Variants in RGS20 observed in about 807,000 individuals in gnomAD.
RGS20 encodes gz-selective GTPase-activating protein.
RGS20 carries 30 observed loss-of-function variants against 33.6 expected under a neutral mutation model. The observed-to-expected ratio is 0.89, with a 90% CI of 0.67 to 1.21. The LOEUF (loss-of-function observed/expected upper bound fraction) is 1.21, where lower values mean the gene tolerates loss of function less well. Ranked by LOEUF, RGS20 falls within the 50% of genes most tolerant of loss-of-function variation. The pLI, the probability that RGS20 is intolerant of heterozygous loss-of-function variation, is 0.00. For synonymous variants in RGS20, 208 were observed against 197.9 expected (o/e 1.05, Z -0.43); for missense variants, 472 against 502.4 (o/e 0.94, Z 0.58).
intron 1 of RGS20, among the ~76,000 whole-genome samples, chr8:53,853,877 A>G (rs1361750901): frequency 6.6e-6 from 1 of 152,232 alleles, no homozygotes; most frequent in Non-Finnish European, 1.5e-5. Flanking sequence ...GAATATGATC[A>G]CTATGGGGTA....
intron 2 of RGS20, among the ~76,000 whole-genome samples, chr8:53,924,679 G>C (rs540546209): frequency 1.3e-5 from 2 of 152,112 alleles, no homozygotes; most frequent in Admixed American, 1.3e-4. Context: ...TCTTTTTTCT[G>C]TCCTCCTTAG....
chr8:53,950,594 A>G (rs1048024860), intron 4 of RGS20, among the ~76,000 whole-genome samples: 4 of 151,976 alleles, frequency 2.6e-5, no homozygotes, highest in African/African-American at 9.7e-5. Context: ...GGAGGATAGA[A>G]TGATAAGAAT....
intron 2 of RGS20, among the ~76,000 whole-genome samples, chr8:53,893,317 GA>G (rs201009672): frequency 1.9e-4 from 29 of 149,658 alleles, no homozygotes; most frequent in African/African-American, 5.6e-4. Flanking sequence ...TTTGCTTCTT[GA>G]AAAAAAAATA....
intron 2 of RGS20, chr8:53,881,084 C>G (rs773099434): frequency 6.5e-7 from 1 of 1,535,414 alleles, no homozygotes; most frequent in Admixed American, 2.3e-5. Context: ...ACGGTGGGCT[C>G]GTGAGTATCC....
intron 3 of RGS20, among the ~76,000 whole-genome samples, chr8:53,944,346 G>T (rs1276385632): frequency 2.6e-5 from 4 of 152,066 alleles, no homozygotes; most frequent in African/African-American, 7.2e-5. Context: ...AAGACCAGCA[G>T]GACCAACATA....
chr8:53,889,339 A>G (rs1245969545), intron 2 of RGS20, among the ~76,000 whole-genome samples: 2 of 97,600 alleles, frequency 2.0e-5, no homozygotes, highest in South Asian at 7.1e-4. Context: ...TCATTTGTAT[A>G]TTTTCTATTT....
At chr8:53,858,031 A>T (rs1475422545) in intron 1 of RGS20, among the ~76,000 whole-genome samples, 2 of 152,156 alleles carry the variant, frequency 1.3e-5, no homozygotes, top group Non-Finnish European at 2.9e-5. Flanking sequence ...AAATAAAAAT[A>T]AAAAAATAAA....
chr8:53,920,755 T>G (rs1336991567), intron 2 of RGS20, among the ~76,000 whole-genome samples: 2 of 152,138 alleles, frequency 1.3e-5, no homozygotes, highest in Admixed American at 1.3e-4. Context: ...CATTAGATTT[T>G]GTCAAATAAT....
chr8:53,891,989 A>C (rs946319767), intron 2 of RGS20, among the ~76,000 whole-genome samples: 1 of 152,052 alleles, frequency 6.6e-6, no homozygotes, highest in Non-Finnish European at 1.5e-5. Flanking sequence ...TGCTGCACCC[A>C]TTAACTCGTC....
At position 53,958,503 on chromosome 8, in the gene RGS20, C is replaced by T. The variant is rs73589276; in HGVS notation, c.*45C>T. On this transcript the variant is annotated 3_prime_UTR_variant, in exon 6 of 6. Coordinates refer to ENST00000297313, the MANE Select transcript of RGS20 (RefSeq NM_170587.4). ...TTATTAATAAAATAATAAAAGAATT[C>T]ATGGGCTACAACTAGCACAGGGAAT... The T allele has an allele frequency of 3.8e-3, 4,163 of 1,099,798 alleles. 65 individuals are homozygous for T. The African/African-American group carries it at 0.046, about 12-fold the overall frequency. 68.1% of individuals were successfully genotyped at this position (1,099,798 alleles called of 1,614,324 possible).
intron 4 of RGS20, among the ~76,000 whole-genome samples, chr8:53,948,583 ATG>A (rs1491422517): frequency 0.015 from 1,025 of 69,380 alleles, 112 homozygotes; most frequent in Non-Finnish European, 0.021. Context: ...TATGCTATAT[ATG>A]ATACAGTACA....
chr8:53,874,291 A>G (rs1358428969), intron 1 of RGS20, among the ~76,000 whole-genome samples: 1 of 152,152 alleles, frequency 6.6e-6, no homozygotes, highest in African/African-American at 2.4e-5. Context: ...GACAGGAAAT[A>G]TGGCAAACGG....
At chr8:53,866,969 T>C (rs1456164136) in intron 1 of RGS20, among the ~76,000 whole-genome samples, 2 of 152,090 alleles carry the variant, frequency 1.3e-5, no homozygotes, top group Admixed American at 6.6e-5. Context: ...TATCAGAGAA[T>C]GGGCCCCATG....
intron 2 of RGS20, among the ~76,000 whole-genome samples, chr8:53,895,966 T>C (rs1812845042): frequency 6.6e-6 from 1 of 151,838 alleles, no homozygotes; most frequent in Admixed American, 6.6e-5. Flanking sequence ...TTTTACATTT[T>C]TTAATTGTTG....
At chr8:53,913,419 G>A (rs1813402156) in intron 2 of RGS20, 1 of 152,180 alleles carries the variant, frequency 6.6e-6, no homozygotes, top group Non-Finnish European at 1.5e-5. Context: ...CATTGTTATG[G>A]GTTGAATTGT....
At chr8:53,953,844 T>C (rs891179750) in intron 4 of RGS20, among the ~76,000 whole-genome samples, 2 of 152,222 alleles carry the variant, frequency 1.3e-5, no homozygotes, top group African/African-American at 4.8e-5. Context: ...TTCTAGCAAC[T>C]TGGTTTGCAA....
In RGS20 at chr8:53,939,614, G is replaced by A; in HGVS notation, c.549G>A (p.Gln183=). Residue 183 remains glutamine, a synonymous_variant, in exon 3 of 6, where the codon CAG becomes CAA. Coordinates refer to ENST00000297313, the MANE Select transcript of RGS20 (RefSeq NM_170587.4). ...AGCGGATGGAGATGCGGAAGCGGCA[G>A]ATGCCCGCCGCCCAGGACACACCAG... 6.2e-7 allele frequency: 1 copy of A among 1,604,926 alleles called. No homozygotes were observed. Among genetic ancestry groups the A allele is most frequent in the Non-Finnish European group, 8.5e-7 (1 of 1,176,338 alleles).
chr8:53,907,413 G>T (rs565760650), intron 2 of RGS20, among the ~76,000 whole-genome samples: 88 of 152,062 alleles, frequency 5.8e-4, no homozygotes, highest in African/African-American at 1.9e-3. Flanking sequence ...GGTGAAATCT[G>T]TCTCTACTGA....
At chr8:53,856,361 G>A (rs182831389) in intron 1 of RGS20, among the ~76,000 whole-genome samples, 94 of 151,878 alleles carry the variant, frequency 6.2e-4, no homozygotes, top group Middle Eastern at 3.4e-3. Context: ...GACTAAAAAC[G>A]TCCACAATTA....
Sources: allele counts gnomAD v4.1 joint callset (sites outside exome capture counted in the v4.1 genomes callset), GRCh38; gene constraint gnomAD v4.1.1; transcripts MANE v1.5; gene names NCBI Gene and HGNC (gene_info 2026-07-23, HGNC 2026-07-21).